ST7: variants seen among roughly 807,000 people sequenced by gnomAD.
ST7 encodes the protein suppression of tumorigenicity 7, also known as suppressor of tumorigenicity 7 protein.
ST7 carries 28 observed loss-of-function variants against 78.7 expected under a neutral mutation model. The ratio of observed to expected loss-of-function variants is 0.36; its 90% CI spans 0.26 to 0.49. The LOEUF (loss-of-function observed/expected upper bound fraction) is 0.49, where lower values mean the gene tolerates loss of function less well. Among genes scored for constraint, ST7 ranks in the 20% least tolerant of loss-of-function variants. The pLI is 0.99. For missense variants in ST7, 418 were observed against 696.0 expected (o/e 0.60, Z 4.49); for synonymous variants, 247 against 249.6 (o/e 0.99, Z 0.10).
chr7:117,223,166 C>A lies in ST7; in HGVS notation c.1638+1104C>A, dbSNP rs1009656619. On this transcript the variant is annotated intron_variant, in intron 15 of 15. Transcript: ENST00000323984. ...AGTTCTAACCTCCTAAGCAACTAGG[C>A]CTTCAGTAAATGTGATTCACCTCTT... 9 of 593,642 alleles carry A rather than the reference C, an allele frequency of 1.5e-5. No homozygotes were observed. The African/African-American group carries it at 1.7e-4, about 11-fold the overall frequency. 36.8% of individuals were successfully genotyped at this position (593,642 alleles called of 1,614,324 possible).
intron 9 of ST7, among the ~76,000 whole-genome samples, chr7:117,148,229 T>C (rs1805965087): frequency 6.6e-6 from 1 of 152,198 alleles, no homozygotes; most frequent in South Asian, 2.1e-4. Context: ...ATGTTGGTGA[T>C]TATTATGACT....
intron 1 of ST7, chr7:116,954,362 A>G (rs1792326882): frequency 6.6e-6 from 1 of 152,198 alleles, no homozygotes; most frequent in Non-Finnish European, 1.5e-5. Context: ...CACCAAATGG[A>G]TTGTCGAAGG....
intron 9 of ST7, among the ~76,000 whole-genome samples, chr7:117,167,507 A>G (rs1377467202): frequency 1.3e-5 from 2 of 151,954 alleles, no homozygotes; most frequent in Non-Finnish European, 2.9e-5. Flanking sequence ...TTATCATCTC[A>G]GTATTAGGTG....
At chr7:116,954,627 C>G (rs1247668349) in intron 1 of ST7, 2 of 153,012 alleles carry the variant, frequency 1.3e-5, no homozygotes, top group East Asian at 1.9e-4. Flanking sequence ...TTCCGAAACA[C>G]AAAGTAAATT....
At chr7:117,201,037 G>T (rs1327419282) in intron 12 of ST7, among the ~76,000 whole-genome samples, 1 of 152,050 alleles carries the variant, frequency 6.6e-6, no homozygotes, top group Non-Finnish European at 1.5e-5. Context: ...GATTGACAGA[G>T]TATAAAATTG....
At chr7:117,099,740 T>G in intron 1 of ST7, 22 bp from the exon 2 acceptor site, 1 of 1,592,908 alleles carries the variant, frequency 6.3e-7, no homozygotes. Context: ...TCTTCTCCCT[T>G]TCTCTCTCTT....
intron 1 of ST7, among the ~76,000 whole-genome samples, chr7:117,082,564 G>A (rs973726813): frequency 2.0e-5 from 3 of 152,180 alleles, no homozygotes; most frequent in Non-Finnish European, 2.9e-5. Context: ...CTGGACAAAC[G>A]GTCATTTAAA....
intron 3 of ST7, among the ~76,000 whole-genome samples, chr7:117,125,690 G>A (rs561085849): frequency 1.3e-5 from 2 of 152,078 alleles, no homozygotes; most frequent in East Asian, 3.9e-4. Flanking sequence ...ACTGGCTTGG[G>A]GTTAATTTTA....
chr7:116,962,872 G>A (rs1792902807), intron 1 of ST7, among the ~76,000 whole-genome samples: 1 of 152,118 alleles, frequency 6.6e-6, no homozygotes, highest in Admixed American at 6.6e-5. Flanking sequence ...TTGGATGTCT[G>A]GGCATTCTAT....
At chr7:117,027,091 A>G (rs1283715558) in intron 1 of ST7, among the ~76,000 whole-genome samples, 4 of 152,274 alleles carry the variant, frequency 2.6e-5, no homozygotes, top group African/African-American at 7.2e-5. Context: ...AATGTTTTCC[A>G]TGTAAGTATG....
chr7:117,198,669 CTT>C (rs1201120234), intron 12 of ST7: 1 of 172,068 alleles, frequency 5.8e-6, no homozygotes, highest in Non-Finnish European at 1.2e-5. Context: ...CAACACAACA[CTT>C]CACGTCTGGT....
chr7:117,225,439 TAGCA>T (rs1419873237), intron 15 of ST7, among the ~76,000 whole-genome samples: 1 of 152,212 alleles, frequency 6.6e-6, no homozygotes, highest in Admixed American at 6.5e-5. Flanking sequence ...CATTAAGGTC[TAGCA>T]GTTTCCAAAA....
At chr7:117,027,518 G>GAAAAAAGAAAAA (rs1796269790) in intron 1 of ST7, among the ~76,000 whole-genome samples, 1 of 25,084 alleles carries the variant, frequency 4.0e-5, no homozygotes, top group Admixed American at 2.9e-4. Flanking sequence ...AAAAAGTAAA[G>GAAAAAAGAAAAA]AGTAAAGTAA....
intron 3 of ST7, among the ~76,000 whole-genome samples, chr7:117,123,164 A>G (rs1458068067): frequency 6.6e-6 from 1 of 152,210 alleles, no homozygotes; most frequent in Admixed American, 6.5e-5. Context: ...ATGGTATTTT[A>G]TTGATTATTT....
chr7:117,064,594 A>G (rs923602010), intron 1 of ST7, among the ~76,000 whole-genome samples: 1 of 152,226 alleles, frequency 6.6e-6, no homozygotes, highest in Non-Finnish European at 1.5e-5. Flanking sequence ...ATGCTGTAAT[A>G]CAGATAATTT....
At chr7:117,178,465 C>G (rs1433262747) in intron 10 of ST7, among the ~76,000 whole-genome samples, 1 of 152,146 alleles carries the variant, frequency 6.6e-6, no homozygotes, top group Non-Finnish European at 1.5e-5. Flanking sequence ...ATCTCAACCT[C>G]TGTGTACTAG....
rs183718863 is a variant in ST7, at chr7:117,005,420, T to C, written c.151+51729T>C. Among the ~76,000 whole-genome samples, 120 of 152,324 alleles carry C rather than the reference T, an allele frequency of 7.9e-4. 2 individuals are homozygous for C. In the East Asian group the frequency reaches 0.015, roughly 19 times the overall value. On this transcript the variant is annotated intron_variant, in intron 1 of 15. Coordinates refer to ENST00000323984, the MANE Select transcript of ST7 (RefSeq NM_001369598.1). Reference sequence around the variant, plus strand: ...CCACTTCACTTACAGCCATCTCCTGTGATGGTAAGCCACAAATGTCCCCTG... The same window carrying C: ...CCACTTCACTTACAGCCATCTCCTGCGATGGTAAGCCACAAATGTCCCCTG...
intron 9 of ST7, among the ~76,000 whole-genome samples, chr7:117,139,317 T>C (rs2117075706): frequency 6.6e-6 from 1 of 152,292 alleles, no homozygotes; most frequent in African/African-American, 2.4e-5. Flanking sequence ...TTTGTCAACA[T>C]TTCATTCTTT....
intron 8 of ST7, among the ~76,000 whole-genome samples, chr7:117,137,621 TG>T (rs1158168177): frequency 6.6e-6 from 1 of 152,170 alleles, no homozygotes; most frequent in African/African-American, 2.4e-5. Context: ...AGTCTTGAAA[TG>T]TTAGGACTTT....
Sources: allele counts gnomAD v4.1 joint callset (sites outside exome capture counted in the v4.1 genomes callset), GRCh38; gene constraint gnomAD v4.1.1; transcripts MANE v1.5; gene names NCBI Gene and HGNC (gene_info 2026-07-23, HGNC 2026-07-21).